The following KLHL29 variants were observed in gnomAD, a reference collection of about 807,000 sequenced individuals.
The protein encoded by KLHL29 is kelch-like protein 29.
A neutral mutation model predicts 80.4 loss-of-function variants in KLHL29; 21 were observed. The observed-to-expected ratio is 0.26, with a 90% CI of 0.19 to 0.38. The LOEUF (loss-of-function observed/expected upper bound fraction) is 0.38, where lower values mean the gene tolerates loss of function less well. Among genes scored for constraint, KLHL29 ranks in the 10% least tolerant of loss-of-function variants. KLHL29 has a pLI of 1.00. For synonymous variants in KLHL29, 511 were observed against 526.8 expected (o/e 0.97, Z 0.41); for missense variants, 867 against 1,223.9 (o/e 0.71, Z 4.35).
chr2:23,496,692 C>T (rs1451506497), intron 2 of KLHL29, among the ~76,000 whole-genome samples: 1 of 152,246 alleles, frequency 6.6e-6, no homozygotes, highest in South Asian at 2.1e-4. Context: ...CAGGGACCAC[C>T]GCTGTCTCTG....
intron 6 of KLHL29, among the ~76,000 whole-genome samples, chr2:23,687,827 A>G (rs1671340405): frequency 6.6e-6 from 1 of 151,932 alleles, no homozygotes; most frequent in Non-Finnish European, 1.5e-5. Flanking sequence ...CTTGCAGGGG[A>G]CGCGGCTGGA....
intron 5 of KLHL29, among the ~76,000 whole-genome samples, chr2:23,648,600 T>G (rs1670003704): frequency 6.6e-6 from 1 of 152,212 alleles, no homozygotes; most frequent in South Asian, 2.1e-4. Flanking sequence ...GCTATCTGTC[T>G]TGGGAGAGCT....
At chr2:23,439,171 T>C (rs992592276) in intron 1 of KLHL29, among the ~76,000 whole-genome samples, 9 of 151,032 alleles carry the variant, frequency 6.0e-5, no homozygotes, top group African/African-American at 2.2e-4. Flanking sequence ...CTTTATCATT[T>C]TTTATCGTGT....
chr2:23,645,929 C>T (rs1669916328), intron 5 of KLHL29, among the ~76,000 whole-genome samples: 1 of 152,168 alleles, frequency 6.6e-6, no homozygotes, highest in African/African-American at 2.4e-5. Flanking sequence ...GCTTGTGTGC[C>T]ATTCACTTTA....
chr2:23,543,018 G>A (rs984128994), intron 2 of KLHL29, among the ~76,000 whole-genome samples: 2 of 152,220 alleles, frequency 1.3e-5, no homozygotes, highest in Admixed American at 6.5e-5. Flanking sequence ...TAATCATGTA[G>A]CTTCCTTCTC....
chr2:23,546,381 G>GA (rs1190227591), intron 2 of KLHL29, among the ~76,000 whole-genome samples: 2 of 152,192 alleles, frequency 1.3e-5, no homozygotes, highest in African/African-American at 4.8e-5. Flanking sequence ...GAATCATCAG[G>GA]AAGACTTCAT....
At chr2:23,461,838 C>T (rs913768258) in intron 1 of KLHL29, among the ~76,000 whole-genome samples, 3 of 151,936 alleles carry the variant, frequency 2.0e-5, no homozygotes, top group African/African-American at 2.4e-5. Flanking sequence ...TTTTTAATTG[C>T]GGTGGTTCCC....
At chr2:23,687,116 G>A (rs1287876879) in intron 6 of KLHL29, among the ~76,000 whole-genome samples, 1 of 152,240 alleles carries the variant, frequency 6.6e-6, no homozygotes, top group Admixed American at 6.5e-5. Context: ...GCAGAGCCAT[G>A]GCCCTGCCCT....
At chr2:23,587,609 T>G (rs969675310) in intron 3 of KLHL29, among the ~76,000 whole-genome samples, 1 of 152,172 alleles carries the variant, frequency 6.6e-6, no homozygotes, top group Non-Finnish European at 1.5e-5. Context: ...GTGTTAACAG[T>G]CAGGCCTGGT....
At chr2:23,697,780 G>A (rs1001112299) in intron 11 of KLHL29, 2 of 152,164 alleles carry the variant, frequency 1.3e-5, no homozygotes, top group African/African-American at 4.8e-5. Context: ...GCTGGAGCTG[G>A]GTTGGCCCCG....
intron 3 of KLHL29, among the ~76,000 whole-genome samples, chr2:23,628,233 A>T (rs1669371451): frequency 6.6e-6 from 1 of 152,294 alleles, no homozygotes; most frequent in East Asian, 1.9e-4. Flanking sequence ...CTTAATGAGC[A>T]TGTTAAGCGA....
At chr2:23,522,180 G>T (rs560712231) in intron 2 of KLHL29, among the ~76,000 whole-genome samples, 8 of 151,822 alleles carry the variant, frequency 5.3e-5, no homozygotes, top group African/African-American at 9.7e-5. Flanking sequence ...ATGGAGTCTA[G>T]CTCTGTTGCC....
intron 5 of KLHL29, chr2:23,672,428 C>T (rs13024974): frequency 0.79 from 120,482 of 152,352 alleles, 49,981 homozygotes; most frequent in East Asian, 0.99. Flanking sequence ...AAATATGCAC[C>T]GAGGTGCTGA....
chr2:23,448,115 A>G (rs1031965524), intron 1 of KLHL29, among the ~76,000 whole-genome samples: 2 of 152,106 alleles, frequency 1.3e-5, no homozygotes, highest in African/African-American at 4.8e-5. Context: ...TACTTTGTAT[A>G]CTAAGGACTT....
In KLHL29 at chr2:23,681,815, T is replaced by G. The variant is rs1233937657; in HGVS notation, c.941-2584T>G. On this transcript the variant is annotated intron_variant, in intron 5 of 13. Coordinates refer to ENST00000486442, the MANE Select transcript of KLHL29 (RefSeq NM_052920.2). The surrounding 1 kb of genome is among the most constrained non-coding windows in gnomAD (Gnocchi z 4.2). ...AAGGGGATGTCATCTACCTGGCTCG[T>G]GGTTTGGGCATTAATTCGGCTGGTG... 2.0e-5 allele frequency among the ~76,000 whole-genome samples: 3 copies of G among 152,146 alleles called. No individual in the cohort carries two copies. Among genetic ancestry groups the G allele is most frequent in the Non-Finnish European group, 4.4e-5 (3 of 68,022 alleles).
chr2:23,703,706 G>GCTCTC lies in KLHL29; in HGVS notation c.2300-9_2300-5dup, dbSNP rs1397809336. 2.0e-6 allele frequency: 3 copies of GCTCTC among 1,532,704 alleles called. No homozygotes were observed. The East Asian group carries it at 7.3e-5, about 38-fold the overall frequency. 94.9% of individuals were successfully genotyped at this position (1,532,704 alleles called of 1,614,324 possible). ...CAAGCTGCCGTGACCTGCCTGCTCT[G>GCTCTC]CTCTCCTCACAGACAACAAGTATGC... On this transcript the variant is annotated splice_polypyrimidine_tract_variant and intron_variant, in intron 12 of 13. Coordinates refer to ENST00000486442, the MANE Select transcript of KLHL29 (RefSeq NM_052920.2).
At chr2:23,702,216 TA>T (rs1312314105) in intron 11 of KLHL29, among the ~76,000 whole-genome samples, 1 of 152,118 alleles carries the variant, frequency 6.6e-6, no homozygotes, top group Non-Finnish European at 1.5e-5. Flanking sequence ...ATAAACTCAT[TA>T]TAAGTTGAAA....
chr2:23,473,381 C>A (rs200928079), intron 1 of KLHL29, among the ~76,000 whole-genome samples: 2 of 152,134 alleles, frequency 1.3e-5, no homozygotes, highest in Non-Finnish European at 2.9e-5. Flanking sequence ...GGGCCCAACA[C>A]AAAACATCCA....
intron 1 of KLHL29, among the ~76,000 whole-genome samples, chr2:23,474,334 G>C (rs1664573402): frequency 6.6e-6 from 1 of 152,146 alleles, no homozygotes; most frequent in South Asian, 2.1e-4. Flanking sequence ...AGACCTCTCT[G>C]TTCACCAGCA....
Sources: gnomAD v4.1 joint callset for allele counts (sites outside exome capture counted in the v4.1 genomes callset) on GRCh38, gnomAD v4.1.1 for gene constraint, Gnocchi (gnomAD v3.1) non-coding constraint, MANE v1.5 for transcripts, NCBI Gene and HGNC (gene_info 2026-07-23, HGNC 2026-07-21) for gene names.